HDAC4: variants seen among roughly 807,000 people sequenced by gnomAD.
HDAC4 encodes the protein histone deacetylase A.
In HDAC4, 16 loss-of-function variants were observed where a neutral mutation model predicts 135.1. The ratio of observed to expected loss-of-function variants is 0.12; its 90% CI spans 0.08 to 0.18. The LOEUF is 0.18. Ranked by LOEUF, HDAC4 falls within the 10% of genes least tolerant of loss-of-function variation. The probability of loss-of-function intolerance (pLI) is 1.00; values close to 1 mark genes in which losing one functional copy is unlikely to be tolerated. For missense variants in HDAC4, 1,143 were observed against 1,511.8 expected (o/e 0.76, Z 4.05); for synonymous variants, 685 against 653.4 (o/e 1.05, Z -0.74).
intron 3 of HDAC4, among the ~76,000 whole-genome samples, chr2:239,195,721 T>C (rs1371774292): frequency 1.3e-5 from 2 of 152,206 alleles, no homozygotes; most frequent in African/African-American, 4.8e-5. Flanking sequence ...ATGAATATTC[T>C]ACGGTACAGC....
At chr2:239,079,466 G>C (rs1230490609) in intron 22 of HDAC4, among the ~76,000 whole-genome samples, 1 of 152,148 alleles carries the variant, frequency 6.6e-6, no homozygotes, top group Non-Finnish European at 1.5e-5. Context: ...TGGGGAGGGG[G>C]GCCCACGTGT....
At chr2:239,298,148 C>T in intron 2 of HDAC4, 1 of 1,226,490 alleles carries the variant, frequency 8.2e-7, no homozygotes, top group South Asian at 1.3e-5. Context: ...AAATTCCAAA[C>T]CAAATAATTC....
intron 24 of HDAC4, 45 bp downstream of exon 24, chr2:239,066,677 C>T (rs755754056): frequency 1.4e-5 from 23 of 1,612,328 alleles, no homozygotes; most frequent in South Asian, 7.7e-5. Context: ...CAACCCCGAG[C>T]CTGTCAGTGT....
At chr2:239,126,719 A>C in intron 11 of HDAC4, 25 bp from the exon 12 acceptor site, 1 of 1,609,960 alleles carries the variant, frequency 6.2e-7, no homozygotes, top group South Asian at 1.1e-5. Context: ...AGGAAGAAAC[A>C]GCAGAGGGGA....
chr2:239,165,482 C>CTG lies in HDAC4; in HGVS notation c.491-1561_491-1560dup, dbSNP rs111788661. Among the ~76,000 whole-genome samples the CTG allele has an allele frequency of 8.5e-3, 1,292 of 151,432 alleles. 21 individuals are homozygous for CTG. Among genetic ancestry groups the CTG allele is most frequent in the African/African-American group, 0.028 (1,152 of 41,384 alleles). ...CGATGTGCACAGTGGTGTTGTGGGT[C>CTG]TGTGTGTGTGTGTGTGTTTCATACT... is the stretch of plus-strand genomic sequence containing the variant. On this transcript the variant is annotated intron_variant, in intron 5 of 26. Coordinates refer to ENST00000543185, the MANE Select transcript of HDAC4 (RefSeq NM_001378414.1).
At chr2:239,072,797 C>T (rs1266711765) in intron 22 of HDAC4, among the ~76,000 whole-genome samples, 1 of 152,206 alleles carries the variant, frequency 6.6e-6, no homozygotes. Flanking sequence ...TCAATGTGAC[C>T]CCTTTTCGGG....
At chr2:239,190,731 C>T (rs183678265) in intron 3 of HDAC4, among the ~76,000 whole-genome samples, 6 of 152,350 alleles carry the variant, frequency 3.9e-5, no homozygotes, top group African/African-American at 1.4e-4. Context: ...TGCGTTTCTG[C>T]ACCTCGCGAA....
intron 14 of HDAC4, among the ~76,000 whole-genome samples, chr2:239,109,777 T>C (rs1046913283): frequency 2.0e-5 from 3 of 152,186 alleles, no homozygotes; most frequent in Non-Finnish European, 4.4e-5. Context: ...CGTAAGTGTG[T>C]GTGCAGAAAC....
chr2:239,161,733 G>A (rs977990884), intron 6 of HDAC4: 1 of 390,082 alleles, frequency 2.6e-6, no homozygotes, highest in Non-Finnish European at 5.0e-6. Flanking sequence ...CCTTGTCCAG[G>A]CCAAGACACT....
chr2:239,187,016 G>A (rs533270625), intron 4 of HDAC4: 10 of 152,728 alleles, frequency 6.5e-5, no homozygotes, highest in African/African-American at 2.2e-4. Context: ...TGGCGGCTTC[G>A]GGGTGGGGTC....
At chr2:239,200,581 C>A (rs1265675369) in intron 3 of HDAC4, among the ~76,000 whole-genome samples, 1 of 152,124 alleles carries the variant, frequency 6.6e-6, no homozygotes, top group Non-Finnish European at 1.5e-5. Context: ...TGTTAACAAT[C>A]ACTGTAAGTT....
chr2:239,082,885 C>T (rs978456739), intron 20 of HDAC4, among the ~76,000 whole-genome samples: 5 of 152,256 alleles, frequency 3.3e-5, no homozygotes, highest in African/African-American at 1.2e-4. Context: ...GGCAGGTGGT[C>T]ACCAGGATGG....
At chr2:239,145,799 C>T (rs1460000215) in intron 7 of HDAC4, among the ~76,000 whole-genome samples, 2 of 150,748 alleles carry the variant, frequency 1.3e-5, no homozygotes, top group Non-Finnish European at 3.0e-5. Flanking sequence ...AGGAATGAGA[C>T]GGAGTTTCTC....
intron 4 of HDAC4, among the ~76,000 whole-genome samples, chr2:239,183,456 G>C (rs115871423): frequency 6.6e-6 from 1 of 152,218 alleles, no homozygotes; most frequent in Non-Finnish European, 1.5e-5. Context: ...GTAAGCTGCC[G>C]CCCATGGATG....
chr2:239,091,698 A>C (rs1042097210), intron 17 of HDAC4: 2 of 152,162 alleles, frequency 1.3e-5, no homozygotes, highest in Non-Finnish European at 2.9e-5. Context: ...AGGTGAGTTA[A>C]AATGCATTTT....
At chr2:239,281,293 A>C (rs1214073882) in intron 2 of HDAC4, among the ~76,000 whole-genome samples, 7 of 108,882 alleles carry the variant, frequency 6.4e-5, no homozygotes, top group East Asian at 2.1e-4. Flanking sequence ...CCACTCTACA[A>C]TGAACACACC....
chr2:239,231,995 GCGCCCC>G (rs2047600132), intron 3 of HDAC4, among the ~76,000 whole-genome samples: 4 of 118,806 alleles, frequency 3.4e-5, no homozygotes, highest in African/African-American at 9.0e-5. Flanking sequence ...CCTCCCCGAA[GCGCCCC>G]TGTCCTCAAT....
intron 1 of HDAC4, among the ~76,000 whole-genome samples, chr2:239,371,784 A>G (rs1212825325): frequency 6.6e-6 from 1 of 152,210 alleles, no homozygotes; most frequent in East Asian, 1.9e-4. Flanking sequence ...GTGGTCCCTC[A>G]AAGCTTTTGC....
chr2:239,079,472 C>T (rs186889190), intron 22 of HDAC4, among the ~76,000 whole-genome samples: 3 of 152,264 alleles, frequency 2.0e-5, no homozygotes, highest in African/African-American at 2.4e-5. Flanking sequence ...GGGGGGCCCA[C>T]GTGTCCTGGG....
Sources: gnomAD v4.1 joint callset for allele counts (sites outside exome capture counted in the v4.1 genomes callset) on GRCh38, gnomAD v4.1.1 for gene constraint, MANE v1.5 for transcripts, NCBI Gene and HGNC (gene_info 2026-07-23, HGNC 2026-07-21) for gene names.